Variants in CDH11 observed in about 807,000 individuals in gnomAD.
The protein encoded by CDH11 is cadherin 11.
Under a neutral mutation model 67.8 loss-of-function variants are expected in CDH11, and 11 were observed. The ratio of observed to expected loss-of-function variants is 0.16; its 90% CI spans 0.10 to 0.27. The LOEUF is 0.27. CDH11 is among the 10% of genes least tolerant of loss of function. CDH11 has a pLI of 1.00. For missense variants in CDH11, 847 were observed against 1,031.2 expected (o/e 0.82, Z 2.45); for synonymous variants, 419 against 400.0 (o/e 1.05, Z -0.57).
Position 64,959,897 on chromosome 16 carries a change from G to C in CDH11, c.1643-8879C>G, listed in dbSNP as rs145967080. 9.2e-5 allele frequency among the ~76,000 whole-genome samples: 14 copies of C among 152,322 alleles called. No individual in the cohort carries two copies. The East Asian group carries it at 2.5e-3, about 27-fold the overall frequency. On this transcript the variant is annotated intron_variant, in intron 11 of 12. Transcript: ENST00000268603. ...ATTTATTTGCCAATTGATTTAATCT[G>C]AGTGAATCTGTCTTGGCTATCCTTA... is the stretch of plus-strand genomic sequence containing the variant.
chr16:65,118,339 T>C (rs1423985012), intron 1 of CDH11, among the ~76,000 whole-genome samples: 6 of 152,216 alleles, frequency 3.9e-5, no homozygotes, highest in African/African-American at 1.4e-4. Flanking sequence ...ACAGGAATCC[T>C]GATGGAACAG....
intron 1 of CDH11, among the ~76,000 whole-genome samples, chr16:65,100,210 T>C (rs1408447933): frequency 1.3e-5 from 2 of 151,998 alleles, no homozygotes; most frequent in Non-Finnish European, 2.9e-5. Context: ...GAAATTATCA[T>C]ATTTAAGAGT....
At chr16:64,984,944 T>C (rs951098168) in intron 7 of CDH11, 7 of 152,310 alleles carry the variant, frequency 4.6e-5, no homozygotes, top group Non-Finnish European at 7.4e-5. Flanking sequence ...AAACAGGGAA[T>C]ATTAAAAATG....
chr16:64,976,851 A>AAACCAACCAACC lies in CDH11; in HGVS notation c.1254-3823_1254-3812dup, dbSNP rs143816723. On this transcript the variant is annotated intron_variant, in intron 8 of 12. Transcript: ENST00000268603. The stretch of plus-strand genomic sequence containing the variant: ...CAACAGAGTGAGACTCGGTCTCCAA[A>AAACCAACCAACC]AACCAACCAACCAACCAACCAACCA... Among the ~76,000 whole-genome samples, 431 of 147,084 alleles carry AAACCAACCAACC rather than the reference A, an allele frequency of 2.9e-3. 7 individuals are homozygous for AAACCAACCAACC. Among genetic ancestry groups the AAACCAACCAACC allele is most frequent in the Non-Finnish European group, 1.7e-3 (115 of 66,992 alleles).
chr16:65,093,176 G>A (rs1597184868), intron 1 of CDH11, among the ~76,000 whole-genome samples: 1 of 147,134 alleles, frequency 6.8e-6, no homozygotes, highest in Non-Finnish European at 1.5e-5. Flanking sequence ...GGCCTCAAGT[G>A]ACCTGCCTGC....
rs149836510 is a variant in CDH11, at chr16:65,072,875, T to C, written c.-297-18947A>G. ...TACCTCCATCACCTCACTGCTAAAATGGAGATTAGGGTGTGCCTCCCATGT... is the reference window on the plus strand; with the variant it reads ...TACCTCCATCACCTCACTGCTAAAACGGAGATTAGGGTGTGCCTCCCATGT... On this transcript the variant is annotated intron_variant, in intron 1 of 12. Transcript: ENST00000268603. Among the ~76,000 whole-genome samples the C allele has an allele frequency of 4.6e-3, 695 of 152,332 alleles. 3 individuals carry two copies. Among genetic ancestry groups the C allele is most frequent in the African/African-American group, 0.016 (657 of 41,576 alleles).
intron 12 of CDH11, among the ~76,000 whole-genome samples, chr16:64,949,433 T>C (rs955079057): frequency 2.7e-5 from 4 of 148,906 alleles, no homozygotes; most frequent in Non-Finnish European, 6.0e-5. Context: ...TTCTTTTTTT[T>C]TTTTTTTTTT....
At chr16:65,051,214 G>A (rs1488677449) in intron 2 of CDH11, among the ~76,000 whole-genome samples, 1 of 152,172 alleles carries the variant, frequency 6.6e-6, no homozygotes, top group Non-Finnish European at 1.5e-5. Context: ...ACCAGACAAT[G>A]AGAGAAAGAG....
At chr16:64,969,863 A>G in intron 11 of CDH11, among the ~76,000 whole-genome samples, 1 of 152,178 alleles carries the variant, frequency 6.6e-6, no homozygotes, top group East Asian at 1.9e-4. Context: ...CCTGTATTAC[A>G]TATGTGTGTC....
intron 1 of CDH11, among the ~76,000 whole-genome samples, chr16:65,119,791 C>A (rs2075295163): frequency 6.6e-6 from 1 of 152,194 alleles, no homozygotes; most frequent in African/African-American, 2.4e-5. Context: ...ATTTTAATGT[C>A]TTAATTTACA....
intron 1 of CDH11, among the ~76,000 whole-genome samples, chr16:65,085,748 G>C (rs1052590622): frequency 2.0e-5 from 3 of 152,206 alleles, no homozygotes; most frequent in African/African-American, 7.2e-5. Flanking sequence ...CAATTCATAT[G>C]TGTGGTTACG....
At position 65,122,040 on chromosome 16, in the gene CDH11, C is replaced by T. The variant is rs565326775; in HGVS notation, c.-458G>A. ...CTGCTCCTCGGCCCGCGACGCTCCC[C>T]TCAGCTGGCGGCGGCCGCGGAATGA... On this transcript the variant is annotated 5_prime_UTR_variant, in exon 1 of 13. Coordinates refer to ENST00000268603, the MANE Select transcript of CDH11 (RefSeq NM_001797.4). 195 of 677,698 alleles carry T rather than the reference C, an allele frequency of 2.9e-4. No homozygotes were observed. The highest frequency in any genetic ancestry group is 2.7e-3 in the African/African-American group (146 of 54,818). 42.0% of individuals were successfully genotyped at this position (677,698 alleles called of 1,614,324 possible).
At chr16:65,014,591 G>T (rs547447674) in intron 2 of CDH11, among the ~76,000 whole-genome samples, 6 of 152,144 alleles carry the variant, frequency 3.9e-5, no homozygotes, top group Non-Finnish European at 4.4e-5. Context: ...TCTTGAGAGA[G>T]GAGGGTGTGT....
At chr16:64,984,654 G>A (rs543391929) in intron 7 of CDH11, 1 of 152,004 alleles carries the variant, frequency 6.6e-6, no homozygotes, top group Non-Finnish European at 1.5e-5. Context: ...TATAATAGAA[G>A]GTTATATCTA....
chr16:65,120,393 C>T (rs1374566009), intron 1 of CDH11, among the ~76,000 whole-genome samples: 1 of 152,200 alleles, frequency 6.6e-6, no homozygotes. Context: ...GATCCGTCCT[C>T]TAGCCAGATT....
At chr16:64,957,639 C>CATATATATATAT (rs36077145) in intron 11 of CDH11, among the ~76,000 whole-genome samples, 3 of 146,778 alleles carry the variant, frequency 2.0e-5, no homozygotes, top group African/African-American at 7.6e-5. Context: ...CACACCCATC[C>CATATATATATAT]ATATATATAT....
At chr16:64,996,803 A>G (rs2072778624) in intron 4 of CDH11, among the ~76,000 whole-genome samples, 1 of 152,104 alleles carries the variant, frequency 6.6e-6, no homozygotes, top group South Asian at 2.1e-4. Context: ...AAAACCAAAT[A>G]CCACATGCTT....
At chr16:65,117,743 G>T (rs896101283) in intron 1 of CDH11, among the ~76,000 whole-genome samples, 1 of 152,116 alleles carries the variant, frequency 6.6e-6, no homozygotes, top group South Asian at 2.1e-4. Context: ...ATGGTGTCAC[G>T]GTAGTCTCAC....
chr16:64,997,392 A>G lies in CDH11; in HGVS notation c.523+1170T>C, dbSNP rs998852851. Among the ~76,000 whole-genome samples, 3 of 151,574 alleles carry G rather than the reference A, an allele frequency of 2.0e-5. No homozygotes were observed. In the East Asian group the frequency reaches 5.8e-4, roughly 29 times the overall value. On this transcript the variant is annotated intron_variant, in intron 4 of 12. Transcript: ENST00000268603. ...TAAAATAAAAGTTGAAACTAAAAAA[A>G]AAAAAAAAGCCTGAATTTTATCCCT... is the stretch of plus-strand genomic sequence containing the variant.
Sources: gnomAD v4.1 joint callset for allele counts (sites outside exome capture counted in the v4.1 genomes callset) on GRCh38, gnomAD v4.1.1 for gene constraint, MANE v1.5 for transcripts, NCBI Gene and HGNC (gene_info 2026-07-23, HGNC 2026-07-21) for gene names.